The following HYCC2 variants were observed in gnomAD, a reference collection of about 807,000 sequenced individuals.
HYCC2 encodes the protein hyccin PI4KA lipid kinase complex subunit 2, also known as hyccin 2.
chr2:201,054,477 G>C, the HYCC2 span, among the ~76,000 whole-genome samples: 1 of 152,104 alleles, frequency 6.6e-6, no homozygotes, highest in Non-Finnish European at 1.5e-5. Flanking sequence ...TAACCTCCTA[G>C]CTTCCTGCTA....
chr2:200,987,952 C>T, the HYCC2 span, among the ~76,000 whole-genome samples: 1 of 152,068 alleles, frequency 6.6e-6, no homozygotes, highest in Admixed American at 6.6e-5. Flanking sequence ...CATATGTGCA[C>T]CTTTTTTTTT....
At chr2:200,981,253 GA>G in the HYCC2 span, 1 of 1,608,190 alleles carries the variant, frequency 6.2e-7, no homozygotes, top group Middle Eastern at 1.7e-4. This position sits in a 1 kb window ranked among gnomAD's most constrained non-coding sequence, Gnocchi z 4.5. Flanking sequence ...GCAGAAAGAT[GA>G]GGGAGGATGT....
chr2:201,030,497 T>C, the HYCC2 span, among the ~76,000 whole-genome samples: 1 of 152,134 alleles, frequency 6.6e-6, no homozygotes, highest in South Asian at 2.1e-4. Context: ...AATGTAGTCA[T>C]ATGTTCACAT....
the HYCC2 span, chr2:200,981,560 G>A: frequency 6.2e-7 from 1 of 1,614,172 alleles, no homozygotes; most frequent in Non-Finnish European, 8.5e-7. The surrounding 1 kb of genome is among the most constrained non-coding windows in gnomAD (Gnocchi z 4.5). Flanking sequence ...GGCACCACCT[G>A]GCCAGCAGGC....
chr2:201,050,811 T>C, the HYCC2 span, among the ~76,000 whole-genome samples: 2 of 151,708 alleles, frequency 1.3e-5, no homozygotes, highest in Non-Finnish European at 2.9e-5. Context: ...GGTGGGTGCC[T>C]GTAATCCCAG....
the HYCC2 span, chr2:200,988,291 G>A: frequency 6.2e-7 from 1 of 1,612,938 alleles, no homozygotes; most frequent in Non-Finnish European, 8.5e-7. Context: ...ACGACGGATT[G>A]AAGCTGTTGT....
At chr2:200,995,458 G>C in the HYCC2 span, among the ~76,000 whole-genome samples, 1 of 152,202 alleles carries the variant, frequency 6.6e-6, no homozygotes, top group East Asian at 1.9e-4. Context: ...ATAAGGCAAA[G>C]GTGATGGGAT....
the HYCC2 span, among the ~76,000 whole-genome samples, chr2:201,053,343 G>A: frequency 1.3e-5 from 2 of 152,066 alleles, no homozygotes; most frequent in African/African-American, 2.4e-5. Context: ...GGCTGGTCTC[G>A]AACTCCTGAA....
chr2:200,978,767 G>T, the HYCC2 span: 1 of 151,960 alleles, frequency 6.6e-6, no homozygotes, highest in Non-Finnish European at 1.5e-5. Context: ...GAGCCACCGT[G>T]CCCGGCCAAG....
the HYCC2 span, among the ~76,000 whole-genome samples, chr2:201,054,917 G>A: frequency 6.6e-6 from 1 of 152,028 alleles, no homozygotes; most frequent in Non-Finnish European, 1.5e-5. Flanking sequence ...CTCCTGACTT[G>A]GCCTCCCAAA....
chr2:201,022,804 G>T, the HYCC2 span: 15 of 1,379,050 alleles, frequency 1.1e-5, no homozygotes, highest in South Asian at 1.7e-4. Context: ...TCACTATGTA[G>T]AAATTATTTT....
chr2:201,009,092 C>A, the HYCC2 span: 1 of 1,560,656 alleles, frequency 6.4e-7, no homozygotes, highest in Non-Finnish European at 8.8e-7. Flanking sequence ...TTGAAGGCTA[C>A]AAAAATAAGG....
At chr2:200,981,399 T>TC in the HYCC2 span, 1 of 1,614,158 alleles carries the variant, frequency 6.2e-7, no homozygotes, top group Non-Finnish European at 8.5e-7. This position sits in a 1 kb window ranked among gnomAD's most constrained non-coding sequence, Gnocchi z 4.5. Flanking sequence ...GACTGACAGT[T>TC]GAGTATCGAT....
chr2:200,994,904 G>A, the HYCC2 span, among the ~76,000 whole-genome samples: 2 of 151,990 alleles, frequency 1.3e-5, no homozygotes, highest in East Asian at 3.9e-4. Context: ...AACAGGCTGG[G>A]GTGGAAGGAC....
At chr2:200,998,542 C>A in the HYCC2 span, among the ~76,000 whole-genome samples, 3 of 152,162 alleles carry the variant, frequency 2.0e-5, no homozygotes, top group Non-Finnish European at 4.4e-5. Flanking sequence ...GAACAGAGAT[C>A]CTGATTTATT....
the HYCC2 span, among the ~76,000 whole-genome samples, chr2:200,991,946 G>A: frequency 6.6e-6 from 1 of 151,874 alleles, no homozygotes; most frequent in South Asian, 2.1e-4. Context: ...CGGGGCCGGG[G>A]GGGGAGGTGG....
chr2:200,988,300 G>A, the HYCC2 span: 2 of 1,613,602 alleles, frequency 1.2e-6, no homozygotes, highest in African/African-American at 1.3e-5. Context: ...TGAAGCTGTT[G>A]TAATTGCAGT....
At chr2:201,047,954 T>C in the HYCC2 span, among the ~76,000 whole-genome samples, 2 of 150,050 alleles carry the variant, frequency 1.3e-5, no homozygotes, top group African/African-American at 4.9e-5. Flanking sequence ...AAAGGAATTA[T>C]TCAGACAGAA....
chr2:200,988,042 CTTATT>C, the HYCC2 span, among the ~76,000 whole-genome samples: 1 of 151,980 alleles, frequency 6.6e-6, no homozygotes, highest in Non-Finnish European at 1.5e-5. Context: ...TTAACCTCAT[CTTATT>C]TTGTTTTAAT....
Sources: gnomAD v4.1 joint callset for allele counts (sites outside exome capture counted in the v4.1 genomes callset) on GRCh38, gnomAD v4.1.1 for gene constraint, Gnocchi (gnomAD v3.1) non-coding constraint, MANE v1.5 for transcripts, NCBI Gene and HGNC (gene_info 2026-07-23, HGNC 2026-07-21) for gene names.